The following TJP1 variants were observed in gnomAD, a reference collection of about 807,000 sequenced individuals.
TJP1 encodes tight junction protein ZO-1.
TJP1 carries 43 observed loss-of-function variants against 194.2 expected under a neutral mutation model. The observed-to-expected ratio is 0.22, with a 90% CI of 0.17 to 0.29. The LOEUF (loss-of-function observed/expected upper bound fraction) is 0.29, where lower values mean the gene tolerates loss of function less well. TJP1 is among the 10% of genes least tolerant of loss of function. TJP1 has a pLI of 1.00. For missense variants in TJP1, 1,971 were observed against 2,185.7 expected (o/e 0.90, Z 1.96); for synonymous variants, 801 against 779.0 (o/e 1.03, Z -0.47).
chr15:29,747,833 T>C (rs563007361), intron 8 of TJP1, among the ~76,000 whole-genome samples: 9 of 152,352 alleles, frequency 5.9e-5, no homozygotes, highest in African/African-American at 2.2e-4. Flanking sequence ...ACAAAACTTC[T>C]GGGAGTATTT....
intron 25 of TJP1, among the ~76,000 whole-genome samples, chr15:29,707,821 T>C (rs1038445238): frequency 9.9e-5 from 15 of 152,182 alleles, no homozygotes; most frequent in African/African-American, 3.4e-4. Context: ...ATGAGGAACA[T>C]AGATACTTAA....
At chr15:29,792,616 C>T (rs1345891487) in intron 2 of TJP1, among the ~76,000 whole-genome samples, 1 of 152,172 alleles carries the variant, frequency 6.6e-6, no homozygotes, top group African/African-American at 2.4e-5. Context: ...GTTTTTCCAA[C>T]CCTAAAACAT....
chr15:29,822,543 A>C, upstream of TJP1: 1 of 759,878 alleles, frequency 1.3e-6, no homozygotes. Flanking sequence ...AGGCGAGGCG[A>C]GGCGGGGAGG....
chr15:29,855,365 C>T (rs930604877), intron 2 of TJP1, among the ~76,000 whole-genome samples: 2 of 151,892 alleles, frequency 1.3e-5, no homozygotes, highest in African/African-American at 4.8e-5. Flanking sequence ...CAAATAACTC[C>T]AAAGCACAAC....
At chr15:29,765,254 G>T (rs1279931104) in intron 5 of TJP1, among the ~76,000 whole-genome samples, 2 of 152,154 alleles carry the variant, frequency 1.3e-5, no homozygotes, top group Non-Finnish European at 2.9e-5. Flanking sequence ...GGTAAGTAGT[G>T]AAGTAAAAAC....
rs1372816930 is a variant in TJP1, at chr15:29,968,804, C to T, written c.36G>A (p.Arg12=). Reference sequence around the variant, plus strand: ...CGCGGGCAGGGCCCCGCCGCCTCCGCCGCCGCCGCAGACACAGCCCCTCCA... The same window carrying T: ...CGCGGGCAGGGCCCCGCCGCCTCCGTCGCCGCCGCAGACACAGCCCCTCCA... Residue 12 remains arginine (R), a synonymous_variant, in exon 1 of 29, where the codon CGG becomes CGA. Transcript: ENST00000356107. The T allele has an allele frequency of 2.5e-6, 3 of 1,187,138 alleles. No homozygotes were observed. In the African/African-American group the frequency reaches 4.9e-5, roughly 19 times the overall value. The allele number at this position is 1,187,138 out of a possible 1,614,324, so 73.5% of individuals were successfully genotyped here.
intron 11 of TJP1, among the ~76,000 whole-genome samples, chr15:29,735,767 A>T (rs990405162): frequency 2.0e-5 from 3 of 152,152 alleles, no homozygotes; most frequent in Non-Finnish European, 4.4e-5. Context: ...CAATGTAAAC[A>T]TCATCAGAAA....
intron 1 of TJP1, among the ~76,000 whole-genome samples, chr15:29,963,178 G>C (rs1364038564): frequency 6.8e-6 from 1 of 146,364 alleles, no homozygotes; most frequent in Non-Finnish European, 1.5e-5. Context: ...TTGGGTATTG[G>C]AGCCCTTCAC....
chr15:29,718,813 T>C lies in TJP1; in HGVS notation c.3329A>G (p.His1110Arg), dbSNP rs45567033. The change falls in exon 21 of 28, where the codon CAC becomes CGC. Residue 1110 changes from histidine to arginine, a missense_variant. This residue lies in a region of TJP1 where 1,108 missense variants were observed against 1,128.5 expected (regional missense o/e 0.98). Transcript: ENST00000614355. ...YPSRPPFDNQ[H>R]SQDLDSRQHP... is the part of the protein sequence containing the mutation. Reference sequence around the variant, plus strand: ...CTGTCTGGAGTCAAGGTCTTGAGAGTGCTGATTATCAAAAGGTGGCCGAGA... The same window carrying C: ...CTGTCTGGAGTCAAGGTCTTGAGAGCGCTGATTATCAAAAGGTGGCCGAGA... The C allele has an allele frequency of 1.3e-4, 205 of 1,614,060 alleles. 1 individual carries two copies. The highest frequency in any genetic ancestry group is 1.2e-3 in the Middle Eastern group (7 of 6,062).
intron 18 of TJP1, among the ~76,000 whole-genome samples, chr15:29,723,904 C>T (rs768419164): frequency 6.6e-6 from 1 of 152,192 alleles, no homozygotes; most frequent in Non-Finnish European, 1.5e-5. Flanking sequence ...TGAAAAAGAA[C>T]ACTCCCTGAA....
At chr15:29,785,334 CTGG>C (rs2047633360) in intron 2 of TJP1, among the ~76,000 whole-genome samples, 1 of 152,174 alleles carries the variant, frequency 6.6e-6, no homozygotes, top group Non-Finnish European at 1.5e-5. Context: ...TCCTGTTTTA[CTGG>C]ACACTAGCCA....
At chr15:29,866,644 T>C (rs2052312460) in intron 2 of TJP1, among the ~76,000 whole-genome samples, 1 of 152,248 alleles carries the variant, frequency 6.6e-6, no homozygotes, top group South Asian at 2.1e-4. Flanking sequence ...GCTGCTTTTA[T>C]GTAAGTCAAA....
At chr15:29,882,190 G>A (rs1226618319) in intron 2 of TJP1, among the ~76,000 whole-genome samples, 1 of 152,016 alleles carries the variant, frequency 6.6e-6, no homozygotes, top group Non-Finnish European at 1.5e-5. Flanking sequence ...AAGACCAAGT[G>A]AGCCCTTCAT....
At chr15:29,923,668 C>G (rs767503040) in intron 2 of TJP1, among the ~76,000 whole-genome samples, 2 of 152,130 alleles carry the variant, frequency 1.3e-5, no homozygotes, top group Non-Finnish European at 2.9e-5. Flanking sequence ...TAGGGGGTGA[C>G]AGCTGGTAAT....
At chr15:29,828,889 A>G (rs2050751850) in intron 2 of TJP1, among the ~76,000 whole-genome samples, 1 of 152,030 alleles carries the variant, frequency 6.6e-6, no homozygotes, top group Non-Finnish European at 1.5e-5. Context: ...GCCTACCACA[A>G]TGCCTGGCTA....
At chr15:29,789,709 T>C (rs984244933) in intron 2 of TJP1, among the ~76,000 whole-genome samples, 3 of 152,168 alleles carry the variant, frequency 2.0e-5, no homozygotes, top group South Asian at 2.1e-4. Context: ...AAATTGACTG[T>C]CAGATGTCAA....
intron 2 of TJP1, among the ~76,000 whole-genome samples, chr15:29,885,678 G>A (rs2053092860): frequency 1.3e-5 from 2 of 152,196 alleles, no homozygotes; most frequent in African/African-American, 2.4e-5. Context: ...ACCTAGAATT[G>A]CCAACCTTTT....
intron 2 of TJP1, among the ~76,000 whole-genome samples, chr15:29,836,423 C>T (rs2051032587): frequency 6.6e-6 from 1 of 152,028 alleles, no homozygotes; most frequent in Admixed American, 6.6e-5. Context: ...CAGGCACCCG[C>T]CACCACGCCT....
At chr15:29,764,698 A>C (rs1034232131) in intron 5 of TJP1, among the ~76,000 whole-genome samples, 7 of 152,248 alleles carry the variant, frequency 4.6e-5, no homozygotes, top group African/African-American at 1.7e-4. Context: ...AAACTGGATC[A>C]ATAGAAACAC....
Sources: allele counts gnomAD v4.1 joint callset (sites outside exome capture counted in the v4.1 genomes callset), GRCh38; gene constraint gnomAD v4.1.1; regional missense constraint gnomAD v4.1.1; transcripts MANE v1.5; gene names NCBI Gene and HGNC (gene_info 2026-07-23, HGNC 2026-07-21).